Variants in NR4A1 observed in about 807,000 individuals in gnomAD.
The protein encoded by NR4A1 is nuclear receptor subfamily 4immunitygroup A member 1.
In NR4A1, 24 loss-of-function variants were observed where a neutral mutation model predicts 47.5. That is an observed-to-expected ratio of 0.50 (90% CI 0.37 to 0.71). The LOEUF (loss-of-function observed/expected upper bound fraction) is 0.71, where lower values mean the gene tolerates loss of function less well. Ranked by LOEUF, NR4A1 falls within the 30% of genes least tolerant of loss-of-function variation. The pLI is 0.00. For synonymous variants in NR4A1, 353 were observed against 345.7 expected (o/e 1.02, Z -0.24); for missense variants, 669 against 788.6 (o/e 0.85, Z 1.82).
chr12:52,045,878 G>A (rs1442332798), intron 2 of NR4A1, among the ~76,000 whole-genome samples: 3 of 152,218 alleles, frequency 2.0e-5, no homozygotes, highest in South Asian at 2.1e-4. Context: ...AGCTGCCCAC[G>A]GGAAGCCCCC....
At chr12:52,028,775 G>C (rs577662588) in intron 1 of NR4A1, among the ~76,000 whole-genome samples, 18 of 151,338 alleles carry the variant, frequency 1.2e-4, no homozygotes, top group African/African-American at 4.4e-4. Flanking sequence ...GTGGTGGTGG[G>C]CGCTTGTAAT....
Position 52,057,114 on chromosome 12 carries a change from T to A in NR4A1, c.1216T>A (p.Phe406Ile). The A allele has an allele frequency of 6.2e-7, 1 of 1,613,268 alleles. No homozygotes were observed. Among genetic ancestry groups the A allele is most frequent in the Non-Finnish European group, 8.5e-7 (1 of 1,179,622 alleles). ...GGAAGATGCTGGGGATGTACAGCAG[T>A]TCTACGACCTGCTCTCCGGTTCTCT... The part of the protein sequence containing the change: ...GKEDAGDVQQ[F>I]YDLLSGSLEV... The change falls in exon 5 of 7, where the codon TTC becomes ATC. Residue 406 changes from phenylalanine to isoleucine, a missense_variant. Coordinates refer to ENST00000394825, the MANE Select transcript of NR4A1 (RefSeq NM_173157.3).
At chr12:52,033,350 C>G (rs1036449793) in intron 1 of NR4A1, among the ~76,000 whole-genome samples, 6 of 152,266 alleles carry the variant, frequency 3.9e-5, no homozygotes, top group African/African-American at 1.4e-4. Context: ...CCTCGCTCCT[C>G]TGGGAGTGCG....
In NR4A1 at chr12:52,056,499, C is replaced by A. The variant is rs1939279200; in HGVS notation, c.1012C>A (p.Arg338=). 1.9e-6 allele frequency: 3 copies of A among 1,612,790 alleles called. No homozygotes were observed. Among genetic ancestry groups the A allele is most frequent in the African/African-American group, 1.3e-5 (1 of 74,816 alleles). Residue 338 remains arginine, a synonymous_variant, in exon 4 of 7, where the codon CGA becomes AGA. Transcript: ENST00000394825. ...CCCTACCCATTCCTTTGCAGTTGTCCGAACAGACAGCCTGAAGGGGCGGCG... is the reference window on the plus strand; with the variant it reads ...CCCTACCCATTCCTTTGCAGTTGTCAGAACAGACAGCCTGAAGGGGCGGCG... ...LAVGMVKEVV[R]TDSLKGRRGR...
intron 2 of NR4A1, among the ~76,000 whole-genome samples, chr12:52,046,171 C>G (rs1006865691): frequency 2.0e-5 from 3 of 152,192 alleles, no homozygotes; most frequent in African/African-American, 7.2e-5. Context: ...GGAGGGGCAG[C>G]GTGGGAAAAG....
chr12:52,030,576 A>AG (rs1938101559), intron 1 of NR4A1, among the ~76,000 whole-genome samples: 1 of 152,134 alleles, frequency 6.6e-6, no homozygotes, highest in Non-Finnish European at 1.5e-5. Flanking sequence ...TTACAGGCAT[A>AG]GGCCACCATG....
intron 1 of NR4A1, among the ~76,000 whole-genome samples, chr12:52,027,291 T>C (rs569441649): frequency 6.6e-6 from 1 of 152,370 alleles, no homozygotes; most frequent in African/African-American, 2.4e-5. Context: ...CTGACCGCCC[T>C]GTGCTCCTGA....
At chr12:52,027,793 C>A (rs1938028872) in intron 1 of NR4A1, among the ~76,000 whole-genome samples, 1 of 152,212 alleles carries the variant, frequency 6.6e-6, no homozygotes, top group South Asian at 2.1e-4. Flanking sequence ...GAGGGCAGAG[C>A]CACACACCCC....
intron 1 of NR4A1, among the ~76,000 whole-genome samples, chr12:52,030,451 C>T (rs559817436): frequency 2.6e-5 from 4 of 152,268 alleles, no homozygotes; most frequent in South Asian, 4.1e-4. Context: ...TTTTTTGAGA[C>T]GGAGTCTTGC....
chr12:52,056,112 A>G lies in NR4A1; in HGVS notation c.959A>G (p.Gln320Arg). 6.2e-7 allele frequency: 1 copy of G among 1,612,090 alleles called. No homozygotes were observed. Among genetic ancestry groups the G allele is most frequent in the Non-Finnish European group, 8.5e-7 (1 of 1,179,216 alleles). ...GACAAGAGGCGGCGAAACCGCTGCC[A>G]GTTCTGCCGCTTCCAGAAGTGCCTG... is the stretch of plus-strand genomic sequence containing the variant. ...PVDKRRRNRCQFCRFQKCLAV... is the reference protein window; with the variant it reads ...PVDKRRRNRCRFCRFQKCLAV... Residue 320 changes from glutamine to arginine, a missense_variant, in exon 3 of 7, where the codon CAG becomes CGG. Transcript: ENST00000394825.
rs1001432800 is a variant in NR4A1 at position 52,057,542 on chromosome 12, G to T, written c.1540+12G>T. ...TGTCCTCATCACCGGTGAGTGACCA[G>T]CACCACACCAGGTCCAAGGGAATGG... On this transcript the variant is annotated intron_variant, in intron 6 of 6. Transcript: ENST00000394825. 1.2e-6 allele frequency: 2 copies of T among 1,613,478 alleles called. No homozygotes were observed. Among genetic ancestry groups the T allele is most frequent in the South Asian group, 1.1e-5 (1 of 91,040 alleles).
At chr12:52,035,676 T>C (rs541149136) in intron 1 of NR4A1, among the ~76,000 whole-genome samples, 72 of 152,198 alleles carry the variant, frequency 4.7e-4, no homozygotes, top group African/African-American at 1.7e-3. Context: ...GGGAGAGAAA[T>C]GTACAGGTTC....
intron 1 of NR4A1, among the ~76,000 whole-genome samples, chr12:52,036,075 C>T (rs923876873): frequency 1.3e-5 from 2 of 152,170 alleles, no homozygotes; most frequent in African/African-American, 4.8e-5. Context: ...GGTATAGGAG[C>T]AGAGATGGTA....
intron 1 of NR4A1, among the ~76,000 whole-genome samples, chr12:52,036,410 T>C (rs1340837851): frequency 6.6e-6 from 1 of 152,170 alleles, no homozygotes. Context: ...CAGGGAGAAC[T>C]AACTCAGTAT....
At chr12:52,052,121 A>T (rs1349612171) in intron 1 of NR4A1, among the ~76,000 whole-genome samples, 1 of 152,032 alleles carries the variant, frequency 6.6e-6, no homozygotes, top group Admixed American at 6.6e-5. Flanking sequence ...TGCGTTAGGA[A>T]GCCTCCGGAT....
chr12:52,023,296 C>T (rs1343934123), intron 1 of NR4A1, among the ~76,000 whole-genome samples: 2 of 152,198 alleles, frequency 1.3e-5, no homozygotes, highest in African/African-American at 4.8e-5. Flanking sequence ...CCTCCCTCTC[C>T]ACCCTCGCCC....
chr12:52,055,596 G>T (rs1313798176), intron 2 of NR4A1: 6 of 463,974 alleles, frequency 1.3e-5, no homozygotes, highest in Non-Finnish European at 2.3e-5. Context: ...CCTGCGGAGG[G>T]TTTGGTTCTT....
upstream of NR4A1, among the ~76,000 whole-genome samples, chr12:52,047,310 C>G (rs1433082690): frequency 6.6e-6 from 1 of 152,206 alleles, no homozygotes; most frequent in Non-Finnish European, 1.5e-5. Flanking sequence ...TTGTGCCTTT[C>G]TCCAAAGTTC....
At chr12:52,028,603 G>A (rs1037866292) in intron 1 of NR4A1, among the ~76,000 whole-genome samples, 1 of 150,652 alleles carries the variant, frequency 6.6e-6, no homozygotes, top group Admixed American at 6.6e-5. Flanking sequence ...AAAGATACCT[G>A]CTTAAAAGAC....
Sources: gnomAD v4.1 joint callset for allele counts (sites outside exome capture counted in the v4.1 genomes callset) on GRCh38, gnomAD v4.1.1 for gene constraint, MANE v1.5 for transcripts, NCBI Gene and HGNC (gene_info 2026-07-23, HGNC 2026-07-21) for gene names.